PIAS1: variants seen among roughly 807,000 people sequenced by gnomAD.
The protein encoded by PIAS1 is E3 SUMO-protein ligase PIAS1.
A neutral mutation model predicts 71.3 loss-of-function variants in PIAS1; 6 were observed. That is an observed-to-expected ratio of 0.08 (90% CI 0.05 to 0.17). The LOEUF is 0.17. PIAS1 is among the 10% of genes least tolerant of loss of function. PIAS1 has a pLI of 1.00. For missense variants in PIAS1, 555 were observed against 793.6 expected (o/e 0.70, Z 3.61); for synonymous variants, 303 against 292.9 (o/e 1.03, Z -0.35).
intron 2 of PIAS1, among the ~76,000 whole-genome samples, chr15:68,140,175 G>A (rs557116684): frequency 6.6e-6 from 1 of 152,186 alleles, no homozygotes; most frequent in African/African-American, 2.4e-5. Context: ...AAATAGCCTT[G>A]TTATTTTAGT....
intron 2 of PIAS1, among the ~76,000 whole-genome samples, chr15:68,087,265 C>T (rs764974619): frequency 4.6e-5 from 7 of 152,012 alleles, no homozygotes; most frequent in Non-Finnish European, 1.0e-4. Context: ...CATGCACATG[C>T]ACATGCACAC....
At position 68,065,724 on chromosome 15, in the gene PIAS1, G is replaced by A. The variant is rs369689706; in HGVS notation, c.24+11374G>A. Reference sequence around the variant, plus strand: ...GTAGCTTGCATTGCACTGAACGAATGTGCTTGAAGTACTTTTTTTTTTTTT... The same window carrying A: ...GTAGCTTGCATTGCACTGAACGAATATGCTTGAAGTACTTTTTTTTTTTTT... On this transcript the variant is annotated intron_variant, in intron 1 of 13. Coordinates refer to ENST00000249636, the MANE Select transcript of PIAS1 (RefSeq NM_016166.3). 1.0e-4 allele frequency among the ~76,000 whole-genome samples: 15 copies of A among 148,764 alleles called. 1 individual carries two copies. Among genetic ancestry groups the A allele is most frequent in the African/African-American group, 1.7e-4 (7 of 40,432 alleles).
chr15:68,151,496 A>G (rs745674954), intron 6 of PIAS1, among the ~76,000 whole-genome samples: 1 of 152,022 alleles, frequency 6.6e-6, no homozygotes, highest in African/African-American at 2.4e-5. Flanking sequence ...AAGCAAGTAA[A>G]TAATAATGGT....
At position 68,160,300 on chromosome 15, in the gene PIAS1, G is replaced by A. The variant is rs2092916476; in HGVS notation, c.935-4431G>A. Among the ~76,000 whole-genome samples, 5 of 152,216 alleles carry A rather than the reference G, an allele frequency of 3.3e-5. No homozygotes were observed. In the South Asian group the frequency reaches 1.0e-3, roughly 32 times the overall value. On this transcript the variant is annotated intron_variant, in intron 7 of 13. Coordinates refer to ENST00000249636, the MANE Select transcript of PIAS1 (RefSeq NM_016166.3). ...GTTAATTTTTGTATATGCAAGGTGA[G>A]AGTAGAGATTCATTTTTTCCCCCAC...
At position 68,086,593 on chromosome 15, in the gene PIAS1, A is replaced by C. The variant is rs199719363; in HGVS notation, c.312A>C (p.Ala104=). 1.3e-4 allele frequency: 213 copies of C among 1,613,986 alleles called. No individual in the cohort carries two copies. The highest frequency in any genetic ancestry group is 2.7e-4 in the Admixed American group (16 of 60,018). The part of the protein sequence containing the change: ...IPQLTYDGHP[A]SSPLLPVSLL... The stretch of plus-strand genomic sequence containing the variant: ...AACTCACTTACGATGGTCACCCTGC[A>C]TCATCGCCATTACTCCCTGTTTCTC... The change falls in exon 2 of 14, where the codon GCA becomes GCC. Residue 104 remains alanine (A), a synonymous_variant. Coordinates refer to ENST00000249636, the MANE Select transcript of PIAS1 (RefSeq NM_016166.3). This position sits in a 1 kb window ranked among gnomAD's most constrained non-coding sequence, Gnocchi z 7.2.
chr15:68,181,136 G>T, intron 11 of PIAS1, 76 bp from the exon 12 acceptor site: 1 of 1,308,484 alleles, frequency 7.6e-7, no homozygotes. Flanking sequence ...TTCATTGTGA[G>T]ATACAACCCC....
intron 2 of PIAS1, among the ~76,000 whole-genome samples, chr15:68,130,566 CTT>C (rs764197430): frequency 3.7e-4 from 56 of 149,890 alleles, no homozygotes; most frequent in Non-Finnish European, 7.2e-4. Flanking sequence ...TTCTTCAGAA[CTT>C]TTTTTGAGGA....
At chr15:68,177,294 A>AAAAG (rs1166846343) in intron 11 of PIAS1, among the ~76,000 whole-genome samples, 6 of 150,976 alleles carry the variant, frequency 4.0e-5, no homozygotes, top group African/African-American at 1.2e-4. Context: ...AAAAAAAAAA[A>AAAAG]AAAGAAAGAA....
At chr15:68,158,973 C>T (rs981862580) in intron 7 of PIAS1, among the ~76,000 whole-genome samples, 1 of 152,066 alleles carries the variant, frequency 6.6e-6, no homozygotes, top group Admixed American at 6.5e-5. Context: ...TTAAATACAG[C>T]GTCATGTGAG....
At chr15:68,177,965 A>G (rs779428662) in intron 11 of PIAS1, among the ~76,000 whole-genome samples, 4 of 152,260 alleles carry the variant, frequency 2.6e-5, no homozygotes, top group Non-Finnish European at 4.4e-5. Flanking sequence ...AAGGAAGTCC[A>G]TAGATGGCAT....
chr15:68,157,413 G>T (rs12905763), intron 7 of PIAS1, among the ~76,000 whole-genome samples: 77,611 of 151,928 alleles, frequency 0.51, 20,417 homozygotes, highest in Non-Finnish European at 0.57. Flanking sequence ...GTTCTCATCC[G>T]AATTTTTGTG....
chr15:68,152,607 A>G (rs1266532406), intron 6 of PIAS1, among the ~76,000 whole-genome samples: 2 of 152,180 alleles, frequency 1.3e-5, no homozygotes, highest in South Asian at 2.1e-4. Flanking sequence ...CTGTGTCTTA[A>G]TAGGCCTTGT....
chr15:68,148,453 CAG>C (rs1288706368), intron 6 of PIAS1, among the ~76,000 whole-genome samples: 14 of 152,048 alleles, frequency 9.2e-5, no homozygotes, highest in South Asian at 6.2e-4. Context: ...TTTTTTGAGA[CAG>C]AGTCTCACTC....
chr15:68,150,612 G>A (rs1242468535), intron 6 of PIAS1, among the ~76,000 whole-genome samples: 7 of 152,276 alleles, frequency 4.6e-5, no homozygotes, highest in Admixed American at 2.6e-4. Flanking sequence ...CCTGAAAGAA[G>A]TAAGTGAGTT....
chr15:68,096,353 G>T (rs1045751730), intron 2 of PIAS1, among the ~76,000 whole-genome samples: 1 of 151,922 alleles, frequency 6.6e-6, no homozygotes, highest in African/African-American at 2.4e-5. Context: ...TTTGAAATAA[G>T]GAAGTGTGAG....
chr15:68,083,804 G>A (rs899616116), intron 1 of PIAS1, among the ~76,000 whole-genome samples: 1 of 151,238 alleles, frequency 6.6e-6, no homozygotes, highest in Non-Finnish European at 1.5e-5. Flanking sequence ...GGAGGCCGAG[G>A]CAGGATCACT....
chr15:68,126,844 G>A (rs1253178354), intron 2 of PIAS1, among the ~76,000 whole-genome samples: 1 of 141,948 alleles, frequency 7.0e-6, no homozygotes, highest in African/African-American at 2.7e-5. Flanking sequence ...TTTTTTTTTT[G>A]GTCATTTTGG....
intron 1 of PIAS1, chr15:68,055,151 T>G: frequency 1.0e-6 from 1 of 972,048 alleles, no homozygotes; most frequent in Non-Finnish European, 1.2e-6. Context: ...TCCCTTCTTT[T>G]GCCTTAGCTG....
At chr15:68,182,240 T>C (rs1297783252) in intron 12 of PIAS1, among the ~76,000 whole-genome samples, 1 of 152,204 alleles carries the variant, frequency 6.6e-6, no homozygotes, top group Non-Finnish European at 1.5e-5. Flanking sequence ...TAATCATTTA[T>C]ATTATCAAAA....
Sources: allele counts gnomAD v4.1 joint callset (sites outside exome capture counted in the v4.1 genomes callset), GRCh38; gene constraint gnomAD v4.1.1; non-coding constraint Gnocchi (gnomAD v3.1); transcripts MANE v1.5; gene names NCBI Gene and HGNC (gene_info 2026-07-23, HGNC 2026-07-21).